The following DDX19B variants were observed in gnomAD, a reference collection of about 807,000 sequenced individuals.
DDX19B encodes DEAD-box helicase 19B, also known as ATP-dependent RNA helicase DDX19B.
Under a neutral mutation model 58.1 loss-of-function variants are expected in DDX19B, and 27 were observed. The observed-to-expected ratio is 0.46, with a 90% CI of 0.34 to 0.64. The LOEUF (loss-of-function observed/expected upper bound fraction) is 0.64, where lower values mean the gene tolerates loss of function less well. DDX19B is among the 30% of genes least tolerant of loss of function. The probability of loss-of-function intolerance (pLI) is 0.01; values close to 1 mark genes in which losing one functional copy is unlikely to be tolerated. For missense variants in DDX19B, 399 were observed against 596.5 expected (o/e 0.67, Z 3.45); for synonymous variants, 187 against 214.4 (o/e 0.87, Z 1.12).
At chr16:70,331,439 AG>A (rs1288194623) in intron 9 of DDX19B, among the ~76,000 whole-genome samples, 1 of 152,238 alleles carries the variant, frequency 6.6e-6, no homozygotes, top group East Asian at 1.9e-4. Flanking sequence ...TTATCTAAAA[AG>A]AAAAAAATCA....
upstream of DDX19B, chr16:70,294,842 C>T (rs746604355): frequency 9.9e-6 from 15 of 1,511,890 alleles, no homozygotes; most frequent in Admixed American, 2.2e-5. Flanking sequence ...CATGCTCAGC[C>T]GCGATGGCTG....
chr16:70,315,014 T>C, intron 3 of DDX19B, 59 bp downstream of exon 3: 1 of 1,563,154 alleles, frequency 6.4e-7, no homozygotes, highest in Non-Finnish European at 8.8e-7. Flanking sequence ...GAAAGTGGAT[T>C]GTTATGAGGC....
At position 70,322,969 on chromosome 16, in the gene DDX19B, G is replaced by A. The variant is rs558793680; in HGVS notation, c.390-1616G>A. Among the ~76,000 whole-genome samples the A allele has an allele frequency of 3.3e-5, 5 of 151,468 alleles. No individual in the cohort carries two copies. The East Asian group carries it at 9.7e-4, about 29-fold the overall frequency. On this transcript the variant is annotated intron_variant, in intron 5 of 11. Transcript: ENST00000288071. Reference sequence around the variant, plus strand: ...AGATTTTAAAATTCCACCTGTGGCCGGGGGCCCTCCCCATGGTTTCACTTT... The same window carrying A: ...AGATTTTAAAATTCCACCTGTGGCCAGGGGCCCTCCCCATGGTTTCACTTT...
chr16:70,325,330 A>T (rs930144708), intron 6 of DDX19B, among the ~76,000 whole-genome samples: 1 of 152,204 alleles, frequency 6.6e-6, no homozygotes. Context: ...ATCCTTGCTC[A>T]TGGGTGGGTT....
At position 70,335,055 on chromosome 16, in the gene DDX19B, C is replaced by T. The variant is rs1963650811; in HGVS notation, c.*1473C>T. ...GGGAAGGGAAGGGGCCAATGTCAGC[C>T]TCCAGGTGATTTCTTTAATCTGACA... On this transcript the variant is annotated 3_prime_UTR_variant, in exon 12 of 12. Coordinates refer to ENST00000288071, the MANE Select transcript of DDX19B (RefSeq NM_007242.7). The T allele has an allele frequency of 1.3e-5, 2 of 152,180 alleles. No individual in the cohort carries two copies. Among genetic ancestry groups the T allele is most frequent in the Non-Finnish European group, 2.9e-5 (2 of 68,064 alleles). The allele number at this position is 152,180 out of a possible 1,614,324, so 9.4% of individuals were successfully genotyped here.
intron 2 of DDX19B, among the ~76,000 whole-genome samples, chr16:70,313,133 C>T (rs1057479802): frequency 6.6e-6 from 1 of 152,172 alleles, no homozygotes; most frequent in African/African-American, 2.4e-5. Flanking sequence ...ATTCTCCTGC[C>T]TCAGCCTCCC....
At chr16:70,321,048 T>C (rs1159382854) in intron 5 of DDX19B, among the ~76,000 whole-genome samples, 1 of 150,184 alleles carries the variant, frequency 6.7e-6, no homozygotes, top group African/African-American at 2.5e-5. Context: ...CCGCAATCTC[T>C]GCCTTCCAGG....
chr16:70,295,503 A>G (rs75264638), upstream of DDX19B, among the ~76,000 whole-genome samples: 2,628 of 151,068 alleles, frequency 0.017, 60 homozygotes, highest in African/African-American at 0.059. Flanking sequence ...CCAGGCTTGC[A>G]TATTTATTTA....
intron 7 of DDX19B, among the ~76,000 whole-genome samples, chr16:70,329,073 A>G (rs1037172206): frequency 1.5e-4 from 23 of 150,074 alleles, no homozygotes; most frequent in Non-Finnish European, 3.4e-4. Flanking sequence ...AAAAAAAAAA[A>G]TTAGCCAGGT....
upstream of DDX19B, among the ~76,000 whole-genome samples, chr16:70,296,280 C>A (rs1597458956): frequency 6.6e-6 from 1 of 151,546 alleles, no homozygotes; most frequent in Non-Finnish European, 1.5e-5. Flanking sequence ...GGATTACAGG[C>A]GTGAGCCACC....
At position 70,311,652 on chromosome 16, in the gene DDX19B, A is replaced by C. The variant is rs137922736; in HGVS notation, c.58-957A>C. 2.0e-3 allele frequency among the ~76,000 whole-genome samples: 303 copies of C among 152,188 alleles called. 8 individuals carry two copies. In the East Asian group the frequency reaches 0.052, roughly 26 times the overall value. On this transcript the variant is annotated intron_variant, in intron 1 of 11. Coordinates refer to ENST00000288071, the MANE Select transcript of DDX19B (RefSeq NM_007242.7). ...AAATGTCTCTTTCCTTTCTATTTCC[A>C]CTTCAGCCCAGTGGGTATTTTAATT... is the stretch of plus-strand genomic sequence containing the variant.
chr16:70,330,576 G>A (rs1039948795), intron 9 of DDX19B, among the ~76,000 whole-genome samples: 5 of 151,954 alleles, frequency 3.3e-5, no homozygotes, highest in African/African-American at 9.7e-5. Context: ...TAACAAGAGC[G>A]AAACTCTGTC....
In DDX19B at chr16:70,313,263, C is replaced by T. The variant is rs147405417; in HGVS notation, c.106+606C>T. Among the ~76,000 whole-genome samples, 747 of 152,238 alleles carry T rather than the reference C, an allele frequency of 4.9e-3. 13 individuals are homozygous for T. The highest frequency in any genetic ancestry group is 0.016 in the African/African-American group (685 of 41,540). ...TCAATCTCCTGACCTCATGATCCACCGGCCTTGGCCTCCCAAAGTGCTGGG... is the reference window on the plus strand; with the variant it reads ...TCAATCTCCTGACCTCATGATCCACTGGCCTTGGCCTCCCAAAGTGCTGGG... On this transcript the variant is annotated intron_variant, in intron 2 of 11. Coordinates refer to ENST00000288071, the MANE Select transcript of DDX19B (RefSeq NM_007242.7).
upstream of DDX19B, chr16:70,294,783 G>A: frequency 3.0e-6 from 4 of 1,323,906 alleles, no homozygotes; most frequent in East Asian, 2.8e-5. Context: ...AGCCAATGAG[G>A]CTCCGGCTTG....
chr16:70,331,825 T>C lies in DDX19B; in HGVS notation c.1127T>C (p.Ile376Thr). ...EMMVEQRAAV[I>T]ERFREGKEKV... is the part of the protein sequence containing the mutation. The stretch of plus-strand genomic sequence containing the variant: ...ATGGTGGAACAGAGGGCTGCAGTGA[T>C]TGAGCGCTTCCGAGAGGGCAAAGAG... Residue 376 changes from isoleucine (I) to threonine (T), a missense_variant, in exon 10 of 12, where the codon ATT becomes ACT. This residue lies in a region of DDX19B where 198 missense variants were observed against 345.9 expected (regional missense o/e 0.57). Coordinates refer to ENST00000288071, the MANE Select transcript of DDX19B (RefSeq NM_007242.7). 6.2e-7 allele frequency: 1 copy of C among 1,614,044 alleles called. No homozygotes were observed. The highest frequency in any genetic ancestry group is 1.1e-5 in the South Asian group (1 of 91,068).
chr16:70,314,079 A>G (rs1028141200), intron 2 of DDX19B, among the ~76,000 whole-genome samples: 1 of 152,106 alleles, frequency 6.6e-6, no homozygotes, highest in African/African-American at 2.4e-5. Flanking sequence ...ACTGCACTCC[A>G]GGCTGGGTAA....
chr16:70,316,211 G>GTTTTTT, intron 4 of DDX19B, 107 bp downstream of exon 4: 2 of 1,210,266 alleles, frequency 1.7e-6, no homozygotes, highest in Non-Finnish European at 1.1e-6. Context: ...AGCTAACCAA[G>GTTTTTT]TTTTTTTTTT....
intron 1 of DDX19B, among the ~76,000 whole-genome samples, chr16:70,301,800 G>A (rs938648314): frequency 6.6e-6 from 1 of 151,230 alleles, no homozygotes; most frequent in South Asian, 2.1e-4. Flanking sequence ...TGAACTCCTG[G>A]GCTCAAGTGA....
chr16:70,302,726 A>G (rs1274323937), intron 1 of DDX19B, among the ~76,000 whole-genome samples: 2 of 152,216 alleles, frequency 1.3e-5, no homozygotes, highest in Non-Finnish European at 2.9e-5. Context: ...TTGTATGGAC[A>G]TATGTTTGCA....
Sources: allele counts gnomAD v4.1 joint callset (sites outside exome capture counted in the v4.1 genomes callset), GRCh38; gene constraint gnomAD v4.1.1; regional missense constraint gnomAD v4.1.1; transcripts MANE v1.5; gene names NCBI Gene and HGNC (gene_info 2026-07-23, HGNC 2026-07-21).